Variants in CEP104 observed in about 807,000 individuals in gnomAD.
CEP104 encodes the protein centrosomal protein of 104 kDa.
In CEP104, 84 loss-of-function variants were observed where a neutral mutation model predicts 113.3. The observed-to-expected ratio is 0.74, with a 90% confidence interval of 0.62 to 0.89. The LOEUF (loss-of-function observed/expected upper bound fraction) is 0.89. Ranked by LOEUF, CEP104 falls within the 40% of genes least tolerant of loss-of-function variation. CEP104 has a pLI of 0.00. For missense variants in CEP104, 1,053 were observed against 1,156.6 expected (o/e 0.91, Z 1.30); for synonymous variants, 378 against 421.7 (o/e 0.90, Z 1.27).
chr1:3,845,882 G>T (rs1233015747), intron 4 of CEP104, among the ~76,000 whole-genome samples: 1 of 152,114 alleles, frequency 6.6e-6, no homozygotes, highest in Non-Finnish European at 1.5e-5. Context: ...GAAGTCGGGA[G>T]TTTGAGACCA....
Position 3,851,854 on chromosome 1 carries a change from T to C in CEP104, c.113+441A>G, listed in dbSNP as rs140078241. Among the ~76,000 whole-genome samples, 212 of 152,258 alleles carry C rather than the reference T, an allele frequency of 1.4e-3. 1 individual carries two copies. Among genetic ancestry groups the C allele is most frequent in the African/African-American group, 4.9e-3 (205 of 41,544 alleles). Reference sequence around the variant, plus strand: ...AGTATACGCGTGTTTAAGAGAAATGTGAAAGACATATCTTTTGGTTAAAGC... The same window carrying C: ...AGTATACGCGTGTTTAAGAGAAATGCGAAAGACATATCTTTTGGTTAAAGC... On this transcript the variant is annotated intron_variant, in intron 2 of 21. Coordinates refer to ENST00000378230, the MANE Select transcript of CEP104 (RefSeq NM_014704.4).
At chr1:3,851,673 GA>G (rs1480305774) in intron 2 of CEP104, among the ~76,000 whole-genome samples, 1 of 152,206 alleles carries the variant, frequency 6.6e-6, no homozygotes, top group Admixed American at 6.5e-5. Flanking sequence ...TTTGTTTTGA[GA>G]CAGCATCTTA....
At chr1:3,820,381 G>C (rs145121332) in intron 20 of CEP104, among the ~76,000 whole-genome samples, 3 of 152,318 alleles carry the variant, frequency 2.0e-5, no homozygotes, top group African/African-American at 7.2e-5. Context: ...GAGATAACCA[G>C]GGGAAAAGAT....
At chr1:3,852,917 A>G (rs2124701440) in intron 1 of CEP104, among the ~76,000 whole-genome samples, 2 of 117,402 alleles carry the variant, frequency 1.7e-5, no homozygotes, top group South Asian at 5.4e-4. Context: ...AGGACGGCTG[A>G]GGATGGCCAG....
At chr1:3,840,048 G>A (rs1309778074) in intron 6 of CEP104, among the ~76,000 whole-genome samples, 1 of 152,208 alleles carries the variant, frequency 6.6e-6, no homozygotes, top group East Asian at 1.9e-4. Flanking sequence ...CATTCGCTCA[G>A]AGTGCAGACT....
At position 3,823,445 on chromosome 1, in the gene CEP104, T is replaced by C. The variant is rs748484738; in HGVS notation, c.2482A>G (p.Ile828Val). The C allele has an allele frequency of 2.8e-5, 45 of 1,614,136 alleles. No individual in the cohort carries two copies. The highest frequency in any genetic ancestry group is 2.7e-4 in the South Asian group (25 of 91,086). Residue 828 changes from isoleucine (I) to valine (V), a missense_variant, in exon 19 of 22, where the codon ATA (isoleucine) becomes GTA (valine). Ile to Val is a conservative substitution (Grantham distance 29). Transcript: ENST00000378230. This position sits in a 1 kb window ranked among gnomAD's most constrained non-coding sequence, Gnocchi z 4.1. ...TCACGGTTGCAATCCTTGTGTTTTA[T>C]GTGTCTGGGCAGCTCTTCCTTGAAA... The part of the protein sequence containing the change: ...AVFKEELPRH[I>V]KHKDCNPAKP...
At chr1:3,822,476 G>A (rs1408705408) in intron 20 of CEP104, among the ~76,000 whole-genome samples, 1 of 152,242 alleles carries the variant, frequency 6.6e-6, no homozygotes, top group Non-Finnish European at 1.5e-5. Context: ...AAGGAGGTTG[G>A]AGTGGAAGTG....
intron 1 of CEP104, among the ~76,000 whole-genome samples, chr1:3,853,098 CTTCT>C (rs531553145): frequency 6.0e-4 from 92 of 152,290 alleles, no homozygotes; most frequent in Admixed American, 1.2e-3. Flanking sequence ...TAAACACAAA[CTTCT>C]TTCTATTAGT....
intron 20 of CEP104, among the ~76,000 whole-genome samples, chr1:3,817,771 G>A (rs192959516): frequency 7.9e-5 from 12 of 152,334 alleles, no homozygotes; most frequent in Middle Eastern, 3.4e-3. Flanking sequence ...GGGTGACTGT[G>A]GCTTGCTTTG....
chr1:3,830,029 C>G, intron 13 of CEP104, 32 bp from the exon 14 acceptor site: 2 of 1,477,844 alleles, frequency 1.4e-6, no homozygotes, highest in Non-Finnish European at 1.9e-6. Flanking sequence ...GTTACTCATT[C>G]TTAAAATAAA....
At position 3,839,598 on chromosome 1, in the gene CEP104, A is replaced by C. The variant is rs767265290; in HGVS notation, c.735+10T>G. 3 of 1,607,976 alleles carry C rather than the reference A, an allele frequency of 1.9e-6. No homozygotes were observed. Among genetic ancestry groups the C allele is most frequent in the South Asian group, 2.2e-5 (2 of 89,772 alleles). ...CATAAATTAGGAACTGTTTTCTCCAAAGGCAATACCTTTTGCAAATCAGCA... is the reference window on the plus strand; with the variant it reads ...CATAAATTAGGAACTGTTTTCTCCACAGGCAATACCTTTTGCAAATCAGCA... On this transcript the variant is annotated intron_variant, in intron 7 of 21. Transcript: ENST00000378230.
chr1:3,816,185 G>T, intron 21 of CEP104, 95 bp downstream of exon 21: 1 of 1,042,460 alleles, frequency 9.6e-7, no homozygotes, highest in Non-Finnish European at 1.4e-6. Context: ...TAAAGGGATG[G>T]GGTCTTGCCA....
chr1:3,842,215 G>T (rs540990762), intron 6 of CEP104, among the ~76,000 whole-genome samples: 23 of 152,332 alleles, frequency 1.5e-4, no homozygotes, highest in African/African-American at 4.6e-4. Flanking sequence ...GAGTAGCTGG[G>T]ACTACAGGTG....
intron 15 of CEP104, 27 bp from the exon 16 acceptor site, chr1:3,826,771 G>T: frequency 1.6e-5 from 25 of 1,610,276 alleles, no homozygotes; most frequent in Non-Finnish European, 2.1e-5. Context: ...GTGAGGTCAG[G>T]GGCAAAGGGC....
At chr1:3,830,794 A>G (rs997424444) in intron 13 of CEP104, among the ~76,000 whole-genome samples, 2 of 147,252 alleles carry the variant, frequency 1.4e-5, no homozygotes, top group Non-Finnish European at 3.0e-5. Flanking sequence ...AAAAAAAAAA[A>G]AGACAAAGAA....
chr1:3,829,015 C>G (rs1644147348), intron 15 of CEP104, among the ~76,000 whole-genome samples: 1 of 152,160 alleles, frequency 6.6e-6, no homozygotes, highest in African/African-American at 2.4e-5. Flanking sequence ...CTGGTCCCTC[C>G]CTAAACCTCA....
At chr1:3,854,525 G>A (rs1405355965) in intron 1 of CEP104, among the ~76,000 whole-genome samples, 1 of 151,976 alleles carries the variant, frequency 6.6e-6, no homozygotes, top group Admixed American at 6.6e-5. Context: ...CTGGAGTGCA[G>A]TGGCGTGATC....
At position 3,844,895 on chromosome 1, in the gene CEP104, C is replaced by T. The variant is rs1252942621; in HGVS notation, c.566+12G>A. 20 of 1,606,706 alleles carry T rather than the reference C, an allele frequency of 1.2e-5. No homozygotes were observed. The highest frequency in any genetic ancestry group is 1.7e-5 in the Non-Finnish European group (20 of 1,173,354). On this transcript the variant is annotated intron_variant, in intron 6 of 21. Coordinates refer to ENST00000378230, the MANE Select transcript of CEP104 (RefSeq NM_014704.4). ...GTAAAAGAAGTTCATTGATGGGGAG[C>T]AGGACTCTTACCTGGCGTACGTTCC...
Position 3,823,855 on chromosome 1 carries a change from C to T in CEP104, c.2365-293G>A, listed in dbSNP as rs1644030765. On this transcript the variant is annotated intron_variant, in intron 18 of 21. Coordinates refer to ENST00000378230, the MANE Select transcript of CEP104 (RefSeq NM_014704.4). The surrounding 1 kb of genome is among the most constrained non-coding windows in gnomAD (Gnocchi z 4.1). ...CCTGAGTGTGAAGCTTGGATGAGGGCGCAGAGTGGCTCAGTGGTTACAGTG... is the reference window on the plus strand; with the variant it reads ...CCTGAGTGTGAAGCTTGGATGAGGGTGCAGAGTGGCTCAGTGGTTACAGTG... 6.6e-6 allele frequency among the ~76,000 whole-genome samples: 1 copy of T among 152,152 alleles called. No individual in the cohort carries two copies. The highest frequency in any genetic ancestry group is 1.5e-5 in the Non-Finnish European group (1 of 68,040).
Sources: gnomAD v4.1 joint callset for allele counts (sites outside exome capture counted in the v4.1 genomes callset) on GRCh38, gnomAD v4.1.1 for gene constraint, Gnocchi (gnomAD v3.1) non-coding constraint, MANE v1.5 for transcripts, NCBI Gene and HGNC (gene_info 2026-07-23, HGNC 2026-07-21) for gene names.